PRDM5: variants seen among roughly 807,000 people sequenced by gnomAD.
The protein encoded by PRDM5 is PR/SET domain 5, also known as PR domain zinc finger protein 5.
A neutral mutation model predicts 81.2 loss-of-function variants in PRDM5; 56 were observed. The ratio of observed to expected loss-of-function variants is 0.69; its 90% CI spans 0.56 to 0.86. The LOEUF (loss-of-function observed/expected upper bound fraction) is 0.86. Ranked by LOEUF, PRDM5 falls within the 40% of genes least tolerant of loss-of-function variation. PRDM5 has a pLI of 0.00. For missense variants in PRDM5, 697 were observed against 770.1 expected (o/e 0.91, Z 1.12); for synonymous variants, 267 against 256.4 (o/e 1.04, Z -0.39).
chr4:120,789,879 C>A (rs987386242), intron 10 of PRDM5, among the ~76,000 whole-genome samples: 15 of 152,148 alleles, frequency 9.9e-5, no homozygotes, highest in African/African-American at 3.6e-4. Context: ...TCCTACATAA[C>A]TATAGTCTTG....
intron 14 of PRDM5, among the ~76,000 whole-genome samples, chr4:120,734,190 C>T (rs1479146679): frequency 6.6e-6 from 1 of 151,956 alleles, no homozygotes; most frequent in Non-Finnish European, 1.5e-5. Flanking sequence ...GGCTAAGCCA[C>T]CTGGGCTCCA....
At chr4:120,733,091 T>A (rs1019497149) in intron 14 of PRDM5, among the ~76,000 whole-genome samples, 1 of 152,058 alleles carries the variant, frequency 6.6e-6, no homozygotes, top group Admixed American at 6.6e-5. Context: ...GAAAGAAAAA[T>A]AGGTAAGTTC....
At chr4:120,705,484 G>C (rs1735976494) in intron 15 of PRDM5, among the ~76,000 whole-genome samples, 1 of 152,140 alleles carries the variant, frequency 6.6e-6, no homozygotes, top group Admixed American at 6.5e-5. Flanking sequence ...TCTAGGCAGA[G>C]GCAACAGCAG....
chr4:120,790,689 T>C (rs1220363114), intron 10 of PRDM5, among the ~76,000 whole-genome samples: 1 of 152,228 alleles, frequency 6.6e-6, no homozygotes, highest in Non-Finnish European at 1.5e-5. Flanking sequence ...AATAGTTTTC[T>C]ACATAACATA....
chr4:120,817,903 C>T (rs1161457001), intron 5 of PRDM5, among the ~76,000 whole-genome samples: 1 of 152,136 alleles, frequency 6.6e-6, no homozygotes, highest in South Asian at 2.1e-4. Flanking sequence ...ATAAACAGTG[C>T]TTCCCAAAAT....
Position 120,692,377 on chromosome 4 carries a change from C to CA in PRDM5, c.*2733dup, listed in dbSNP as rs1049881297. On this transcript the variant is annotated 3_prime_UTR_variant, in exon 16 of 16. Coordinates refer to ENST00000264808, the MANE Select transcript of PRDM5 (RefSeq NM_018699.4). ...TCAGACACACACACACAGACACACA[C>CA]ACTCATGTTTCTTGAAAATAACATG... 1.3e-5 allele frequency: 2 copies of CA among 152,100 alleles called. No homozygotes were observed. Among genetic ancestry groups the CA allele is most frequent in the African/African-American group, 4.8e-5 (2 of 41,430 alleles). 9.4% of individuals were successfully genotyped at this position (152,100 alleles called of 1,614,324 possible).
At chr4:120,831,654 C>T (rs540720951) in intron 3 of PRDM5, among the ~76,000 whole-genome samples, 3 of 151,500 alleles carry the variant, frequency 2.0e-5, no homozygotes, top group Non-Finnish European at 4.4e-5. Context: ...GGACTCTGAA[C>T]TTAGGATGCT....
At chr4:120,914,378 A>C (rs2148704618) in intron 1 of PRDM5, among the ~76,000 whole-genome samples, 1 of 152,352 alleles carries the variant, frequency 6.6e-6, no homozygotes, top group Admixed American at 6.5e-5. Flanking sequence ...AACCATGACC[A>C]GATAAAAATA....
chr4:120,701,473 T>C (rs1360795105), intron 15 of PRDM5, among the ~76,000 whole-genome samples: 5 of 152,166 alleles, frequency 3.3e-5, no homozygotes, highest in Non-Finnish European at 7.3e-5. Context: ...ATGTGGTGCA[T>C]ATACACCATG....
intron 3 of PRDM5, among the ~76,000 whole-genome samples, chr4:120,823,087 C>G (rs1755502208): frequency 6.6e-6 from 1 of 152,100 alleles, no homozygotes; most frequent in Non-Finnish European, 1.5e-5. Context: ...GTTTGGGTAA[C>G]CCACTAACCT....
intron 13 of PRDM5, among the ~76,000 whole-genome samples, chr4:120,768,402 T>G (rs1339198717): frequency 1.3e-5 from 2 of 152,158 alleles, no homozygotes; most frequent in African/African-American, 4.8e-5. Context: ...GTGAAAGGAT[T>G]AATTTAGATA....
chr4:120,861,941 T>C lies in PRDM5; in HGVS notation c.178-8401A>G, dbSNP rs575491795. Reference sequence around the variant, plus strand: ...AAATTTTTTTAATCTACTTTTCCTTTGATCTTGATCTCCTAATCCAAATTC... The same window carrying C: ...AAATTTTTTTAATCTACTTTTCCTTCGATCTTGATCTCCTAATCCAAATTC... On this transcript the variant is annotated intron_variant, in intron 2 of 15. Coordinates refer to ENST00000264808, the MANE Select transcript of PRDM5 (RefSeq NM_018699.4). 7.9e-5 allele frequency among the ~76,000 whole-genome samples: 12 copies of C among 152,326 alleles called. No homozygotes were observed. The East Asian group carries it at 2.3e-3, about 29-fold the overall frequency.
intron 4 of PRDM5, among the ~76,000 whole-genome samples, chr4:120,820,144 G>A (rs1453236212): frequency 1.3e-5 from 2 of 152,182 alleles, no homozygotes; most frequent in Non-Finnish European, 1.5e-5. Flanking sequence ...TTAAGAGGTG[G>A]GCCCTTTAGG....
chr4:120,827,852 T>C (rs980109072), intron 3 of PRDM5, among the ~76,000 whole-genome samples: 1 of 152,108 alleles, frequency 6.6e-6, no homozygotes, highest in African/African-American at 2.4e-5. Context: ...TGGGCATCTT[T>C]CTTATCCCTA....
chr4:120,765,246 A>C (rs1346729097), intron 13 of PRDM5, among the ~76,000 whole-genome samples: 1 of 152,240 alleles, frequency 6.6e-6, no homozygotes, highest in Non-Finnish European at 1.5e-5. Context: ...GTGATTTATT[A>C]CTATATTCAA....
intron 9 of PRDM5, 120 bp from the exon 10 acceptor site, chr4:120,798,544 T>A: frequency 2.4e-6 from 2 of 836,034 alleles, no homozygotes; most frequent in Non-Finnish European, 3.7e-6. Context: ...GTCAAACAAC[T>A]AAAAAACATC....
chr4:120,801,629 CAA>C (rs747806632), intron 8 of PRDM5, among the ~76,000 whole-genome samples: 8 of 152,200 alleles, frequency 5.3e-5, no homozygotes, highest in Non-Finnish European at 1.2e-4. Flanking sequence ...ATCTAGAATC[CAA>C]AGAGTTCCTT....
chr4:120,862,653 T>C (rs1760737394), intron 2 of PRDM5, among the ~76,000 whole-genome samples: 1 of 152,144 alleles, frequency 6.6e-6, no homozygotes, highest in South Asian at 2.1e-4. Context: ...ATAGTTAACA[T>C]ATCAAGGTGT....
intron 2 of PRDM5, among the ~76,000 whole-genome samples, chr4:120,871,392 G>A (rs1403269228): frequency 1.3e-5 from 2 of 152,196 alleles, no homozygotes; most frequent in Admixed American, 6.5e-5. Flanking sequence ...CACGTCAGAT[G>A]TTTATCAACT....
Sources: gnomAD v4.1 joint callset for allele counts (sites outside exome capture counted in the v4.1 genomes callset) on GRCh38, gnomAD v4.1.1 for gene constraint, MANE v1.5 for transcripts, NCBI Gene and HGNC (gene_info 2026-07-23, HGNC 2026-07-21) for gene names.